CSMD1: variants seen among roughly 807,000 people sequenced by gnomAD.
CSMD1 encodes CUB and sushi domain-containing protein 1.
CSMD1 carries 213 observed loss-of-function variants against 417.5 expected under a neutral mutation model. The ratio of observed to expected loss-of-function variants is 0.51; its 90% CI spans 0.46 to 0.57. CSMD1 has a LOEUF of 0.57. Among genes scored for constraint, CSMD1 ranks in the 20% least tolerant of loss-of-function variants. The probability of loss-of-function intolerance (pLI) is 0.00; values close to 1 mark genes in which losing one functional copy is unlikely to be tolerated. For synonymous variants in CSMD1, 2,862 were observed against 1,736.8 expected (o/e 1.65, Z -16.11); for missense variants, 6,923 against 4,529.7 (o/e 1.53, Z -15.17).
chr8:3,420,709 CTTTG>C (rs1465485988), intron 12 of CSMD1, among the ~76,000 whole-genome samples: 6 of 152,084 alleles, frequency 3.9e-5, no homozygotes, highest in Non-Finnish European at 8.8e-5. Context: ...GTCTTAATAC[CTTTG>C]TCACGCTTGC....
At chr8:4,336,762 G>T (rs540448025) in intron 3 of CSMD1, among the ~76,000 whole-genome samples, 1 of 152,090 alleles carries the variant, frequency 6.6e-6, no homozygotes, top group African/African-American at 2.4e-5. Flanking sequence ...GATCCACAAT[G>T]GGCAAAGCTG....
rs562696933 is a variant in CSMD1 at position 3,006,920 on chromosome 8, A to C, written c.8030-6789T>G. 1.0e-3 allele frequency among the ~76,000 whole-genome samples: 144 copies of C among 141,302 alleles called. 2 individuals carry two copies. In the South Asian group the frequency reaches 0.011, roughly 10 times the overall value. 92.7% of individuals were successfully genotyped at this position (141,302 alleles called of 152,430 possible). A position where few individuals can be genotyped will look rare whatever the true frequency, so the allele number is the denominator to read the frequency against. ...ATGGCAACAAAAGACAAAATTGACA[A>C]ATGGGATCTAATTAAACTAAAGAGC... On this transcript the variant is annotated intron_variant, in intron 52 of 69. Transcript: ENST00000635120.
intron 8 of CSMD1, among the ~76,000 whole-genome samples, chr8:3,599,806 G>C (rs1801275641): frequency 2.0e-5 from 3 of 152,252 alleles, no homozygotes; most frequent in East Asian, 1.9e-4. Context: ...CTTTCCTCCT[G>C]TCTTTCATCA....
intron 26 of CSMD1, among the ~76,000 whole-genome samples, chr8:3,257,021 A>G (rs1052135304): frequency 2.6e-5 from 4 of 152,182 alleles, no homozygotes; most frequent in African/African-American, 9.7e-5. Context: ...TTATTCCTTC[A>G]TTCAGAAATA....
At chr8:3,899,549 A>C (rs778038686) in intron 5 of CSMD1, among the ~76,000 whole-genome samples, 39 of 152,204 alleles carry the variant, frequency 2.6e-4, no homozygotes, top group Non-Finnish European at 4.1e-4. Flanking sequence ...ATCTAAGGAC[A>C]TTAAAAAGAA....
intron 1 of CSMD1, among the ~76,000 whole-genome samples, chr8:4,710,915 C>T (rs371724758): frequency 9.9e-5 from 15 of 151,684 alleles, no homozygotes; most frequent in East Asian, 7.8e-4. Flanking sequence ...TAGAAAATGG[C>T]CTGAGTCCAA....
At chr8:4,924,195 T>A (rs80050518) in intron 1 of CSMD1, among the ~76,000 whole-genome samples, 4,386 of 152,278 alleles carry the variant, frequency 0.029, 208 homozygotes, top group African/African-American at 0.1. Flanking sequence ...GAAAAAAATG[T>A]AGGATCCACT....
intron 1 of CSMD1, among the ~76,000 whole-genome samples, chr8:4,937,700 T>C (rs1807715084): frequency 1.3e-5 from 2 of 152,154 alleles, no homozygotes; most frequent in South Asian, 2.1e-4. Flanking sequence ...TTTAGGGGTA[T>C]GAACGATTTC....
chr8:4,363,351 C>T (rs981167314), intron 3 of CSMD1, among the ~76,000 whole-genome samples: 1 of 152,114 alleles, frequency 6.6e-6, no homozygotes, highest in Non-Finnish European at 1.5e-5. Flanking sequence ...TTTAGGTACT[C>T]GTATGTGTAT....
chr8:4,732,163 G>A (rs1452910553), intron 1 of CSMD1, among the ~76,000 whole-genome samples: 1 of 152,080 alleles, frequency 6.6e-6, no homozygotes, highest in Non-Finnish European at 1.5e-5. Flanking sequence ...AGGACCCAGT[G>A]TGCAAAAGCG....
At chr8:3,463,987 C>A (rs918332076) in intron 12 of CSMD1, among the ~76,000 whole-genome samples, 1 of 152,254 alleles carries the variant, frequency 6.6e-6, no homozygotes, top group South Asian at 2.1e-4. Flanking sequence ...GAGACAATTC[C>A]GTTTCTTGTA....
At chr8:3,819,533 T>TACACAC (rs10566509) in intron 5 of CSMD1, among the ~76,000 whole-genome samples, 26 of 82,346 alleles carry the variant, frequency 3.2e-4, no homozygotes, top group Middle Eastern at 7.4e-3. Context: ...AGGTGATTTC[T>TACACAC]ACACACACAC....
At chr8:4,541,496 C>A (rs1039906361) in intron 2 of CSMD1, among the ~76,000 whole-genome samples, 12 of 152,050 alleles carry the variant, frequency 7.9e-5, no homozygotes, top group African/African-American at 2.7e-4. Flanking sequence ...ACCTGTAATC[C>A]CCACACTTTG....
chr8:4,846,632 T>C (rs955911518), intron 1 of CSMD1, among the ~76,000 whole-genome samples: 1 of 152,212 alleles, frequency 6.6e-6, no homozygotes, highest in Non-Finnish European at 1.5e-5. Context: ...TCCTAGAAAT[T>C]GTAATAGCTA....
chr8:3,128,647 C>G (rs1230642580), intron 41 of CSMD1: 2 of 304,748 alleles, frequency 6.6e-6, no homozygotes, highest in African/African-American at 4.4e-5. Context: ...CACTGACAAA[C>G]TATCTAATTA....
chr8:3,114,747 T>C (rs1326277211), intron 42 of CSMD1, among the ~76,000 whole-genome samples: 1 of 152,178 alleles, frequency 6.6e-6, no homozygotes, highest in Non-Finnish European at 1.5e-5. Flanking sequence ...GAAAGATTAT[T>C]TTCTGTATTT....
chr8:3,303,257 T>A (rs990333400), intron 25 of CSMD1, among the ~76,000 whole-genome samples: 16 of 150,084 alleles, frequency 1.1e-4, no homozygotes, highest in African/African-American at 3.6e-4. Flanking sequence ...AAATGTATAG[T>A]TTTCTCTTAA....
chr8:3,189,782 A>G, intron 34 of CSMD1, 130 bp downstream of exon 34: 1 of 759,304 alleles, frequency 1.3e-6, no homozygotes. Flanking sequence ...ATTACTTCCC[A>G]TGAAACAAAC....
At chr8:3,600,250 A>T (rs1801297615) in intron 8 of CSMD1, among the ~76,000 whole-genome samples, 1 of 152,140 alleles carries the variant, frequency 6.6e-6, no homozygotes, top group Non-Finnish European at 1.5e-5. Flanking sequence ...CATTAGTATA[A>T]ATAGGAAGCT....
Sources: allele counts gnomAD v4.1 joint callset (sites outside exome capture counted in the v4.1 genomes callset), GRCh38; gene constraint gnomAD v4.1.1; transcripts MANE v1.5; gene names NCBI Gene and HGNC (gene_info 2026-07-23, HGNC 2026-07-21).